VIT: variants seen among roughly 807,000 people sequenced by gnomAD.
VIT encodes vitrin.
VIT carries 99 observed loss-of-function variants against 78.0 expected under a neutral mutation model. That is an observed-to-expected ratio of 1.27 (90% CI 1.08 to 1.50). VIT has a LOEUF of 1.50. Ranked by LOEUF, VIT falls within the 40% of genes most tolerant of loss-of-function variation. VIT has a pLI of 0.00. For missense variants in VIT, 1,126 were observed against 875.3 expected (o/e 1.29, Z -3.61); for synonymous variants, 374 against 334.3 (o/e 1.12, Z -1.29).
intron 12 of VIT, among the ~76,000 whole-genome samples, chr2:36,791,036 C>G (rs1363237043): frequency 6.6e-6 from 1 of 152,166 alleles, no homozygotes; most frequent in Non-Finnish European, 1.5e-5. Flanking sequence ...TTTCAGGCCC[C>G]CATCTCAGTA....
chr2:36,805,937 C>G (rs1374424226), intron 14 of VIT, among the ~76,000 whole-genome samples: 1 of 152,152 alleles, frequency 6.6e-6, no homozygotes, highest in East Asian at 1.9e-4. Context: ...GGGGGTCTCA[C>G]CCAGGCAGCC....
At chr2:36,792,536 C>A (rs111277759) in intron 12 of VIT, among the ~76,000 whole-genome samples, 3 of 152,158 alleles carry the variant, frequency 2.0e-5, no homozygotes, top group Admixed American at 6.5e-5. Context: ...TCAGTCTCCC[C>A]GCAGAGAAGC....
Position 36,717,312 on chromosome 2 carries a change from C to CTCCCA in VIT, c.52+891_52+895dup, listed in dbSNP as rs1360388462. On this transcript the variant is annotated intron_variant, in intron 2 of 15. Transcript: ENST00000379242. The stretch of plus-strand genomic sequence containing the variant: ...TCCTGCCTCAGCCTGGGACTACAGG[C>CTCCCA]TCCCACCACCACGCCTGGCTAATGT... 5.4e-5 allele frequency among the ~76,000 whole-genome samples: 8 copies of CTCCCA among 148,346 alleles called. No homozygotes were observed. The South Asian group carries it at 1.7e-3, about 32-fold the overall frequency.
At chr2:36,712,839 A>C (rs1458438776) in intron 1 of VIT, among the ~76,000 whole-genome samples, 1 of 152,246 alleles carries the variant, frequency 6.6e-6, no homozygotes, top group Admixed American at 6.5e-5. Flanking sequence ...CGTCTCAATC[A>C]ATCAATCAAT....
chr2:36,698,908 C>T (rs1332520047), intron 1 of VIT, among the ~76,000 whole-genome samples: 2 of 151,660 alleles, frequency 1.3e-5, no homozygotes, highest in African/African-American at 4.9e-5. Flanking sequence ...CACGCCACTA[C>T]ACTCCAGCCT....
intron 6 of VIT, 34 bp downstream of exon 6, chr2:36,759,080 C>T (rs373391093): frequency 6.2e-7 from 1 of 1,614,058 alleles, no homozygotes; most frequent in African/African-American, 1.3e-5. Flanking sequence ...TCTAAACCTT[C>T]TGAGTCCATG....
intron 7 of VIT, among the ~76,000 whole-genome samples, chr2:36,773,279 T>G (rs1019465547): frequency 6.6e-6 from 1 of 152,182 alleles, no homozygotes; most frequent in Non-Finnish European, 1.5e-5. Context: ...CAAAGGTTAT[T>G]ATTACCTGTA....
intron 2 of VIT, among the ~76,000 whole-genome samples, chr2:36,722,982 C>T (rs1666607266): frequency 3.3e-5 from 5 of 150,286 alleles, no homozygotes; most frequent in Admixed American, 1.3e-4. Context: ...TAAATTATGT[C>T]TATATAAAAT....
At chr2:36,723,627 A>G (rs772337487) in intron 2 of VIT, among the ~76,000 whole-genome samples, 2 of 152,220 alleles carry the variant, frequency 1.3e-5, no homozygotes, top group South Asian at 2.1e-4. Context: ...TTAAAAATCA[A>G]TATTTTAACT....
At position 36,696,830 on chromosome 2, in the gene VIT, G is replaced by C. The variant is rs1024074932; in HGVS notation, c.-162G>C. On this transcript the variant is annotated 5_prime_UTR_variant, in exon 1 of 16. Coordinates refer to ENST00000379242, the MANE Select transcript of VIT (RefSeq NM_053276.4). ...GTTCGATTAGCTCCTCTGAGAAGAA[G>C]AGAAAAGGTTCTTGGACCTCTCCCT... 1 of 152,104 alleles carries C rather than the reference G, an allele frequency of 6.6e-6. No homozygotes were observed. Among genetic ancestry groups the C allele is most frequent in the Non-Finnish European group, 1.5e-5 (1 of 68,028 alleles). 9.4% of individuals were successfully genotyped at this position (152,104 alleles called of 1,614,324 possible).
intron 1 of VIT, among the ~76,000 whole-genome samples, chr2:36,708,178 C>G (rs1479637238): frequency 6.7e-6 from 1 of 150,020 alleles, no homozygotes; most frequent in African/African-American, 2.4e-5. Context: ...CATCCACTGA[C>G]AAGCGGAGGA....
chr2:36,773,871 A>G, intron 8 of VIT, 24 bp downstream of exon 8: 1 of 1,576,356 alleles, frequency 6.3e-7, no homozygotes, highest in Non-Finnish European at 8.6e-7. Context: ...CTCCCTTTCC[A>G]GCCACTGATG....
intron 9 of VIT, among the ~76,000 whole-genome samples, chr2:36,781,391 C>G (rs1034553170): frequency 6.6e-6 from 1 of 152,198 alleles, no homozygotes; most frequent in African/African-American, 2.4e-5. Flanking sequence ...GCCAGCCACT[C>G]ACAGGCCAGG....
At chr2:36,787,477 G>A (rs1184448312) in intron 12 of VIT, among the ~76,000 whole-genome samples, 2 of 152,166 alleles carry the variant, frequency 1.3e-5, no homozygotes, top group Non-Finnish European at 2.9e-5. Context: ...TGAAGGAAGG[G>A]ACAGATTAAA....
chr2:36,736,979 G>T lies in VIT; in HGVS notation c.119-6121G>T, dbSNP rs527478663. On this transcript the variant is annotated intron_variant, in intron 3 of 15. Coordinates refer to ENST00000379242, the MANE Select transcript of VIT (RefSeq NM_053276.4). ...TTTTTTTATACAGTCTATCTTCCCA[G>T]CAAGACCAAAAGTACCATGAAGATC... Among the ~76,000 whole-genome samples, 4 of 152,240 alleles carry T rather than the reference G, an allele frequency of 2.6e-5. No individual in the cohort carries two copies. The East Asian group carries it at 7.7e-4, about 29-fold the overall frequency.
intron 9 of VIT, 150 bp downstream of exon 9, chr2:36,775,217 C>G: frequency 4.6e-6 from 4 of 869,308 alleles, no homozygotes; most frequent in Non-Finnish European, 6.9e-6. Context: ...GATATTTTAA[C>G]CTCGAGAAAA....
At chr2:36,783,851 C>A (rs894661163) in intron 11 of VIT, among the ~76,000 whole-genome samples, 15 of 152,052 alleles carry the variant, frequency 9.9e-5, no homozygotes, top group Non-Finnish European at 2.1e-4. Flanking sequence ...ATGAGTTGAG[C>A]GACTAGGTAA....
At chr2:36,793,428 G>A (rs1455581352) in intron 12 of VIT, among the ~76,000 whole-genome samples, 1 of 152,196 alleles carries the variant, frequency 6.6e-6, no homozygotes, top group African/African-American at 2.4e-5. Context: ...AAGTCCCTGA[G>A]CAGATTGGCC....
chr2:36,710,706 A>C (rs1665749968), intron 1 of VIT, among the ~76,000 whole-genome samples: 1 of 152,194 alleles, frequency 6.6e-6, no homozygotes, highest in African/African-American at 2.4e-5. Context: ...TTATTTTGAG[A>C]TTCATTCATA....
Sources: allele counts gnomAD v4.1 joint callset (sites outside exome capture counted in the v4.1 genomes callset), GRCh38; gene constraint gnomAD v4.1.1; transcripts MANE v1.5; gene names NCBI Gene and HGNC (gene_info 2026-07-23, HGNC 2026-07-21).